The following WWTR1 variants were observed in gnomAD, a reference collection of about 807,000 sequenced individuals.
WWTR1 encodes the protein WW domain-containing transcription regulator protein 1.
WWTR1 carries 13 observed loss-of-function variants against 40.1 expected under a neutral mutation model. The observed-to-expected ratio is 0.32, with a 90% CI of 0.21 to 0.52. The LOEUF is 0.52. Among genes scored for constraint, WWTR1 ranks in the 20% least tolerant of loss-of-function variants. The pLI is 0.97. For synonymous variants in WWTR1, 230 were observed against 210.1 expected (o/e 1.09, Z -0.82); for missense variants, 436 against 523.1 (o/e 0.83, Z 1.63).
At chr3:149,634,863 C>T (rs1007273134) in intron 2 of WWTR1, among the ~76,000 whole-genome samples, 2 of 152,230 alleles carry the variant, frequency 1.3e-5, no homozygotes, top group African/African-American at 4.8e-5. Context: ...CCCTCCAGAC[C>T]CGGCCACGGT....
intron 2 of WWTR1, among the ~76,000 whole-genome samples, chr3:149,580,238 T>G (rs941894505): frequency 2.0e-5 from 3 of 152,254 alleles, no homozygotes; most frequent in Admixed American, 6.5e-5. Context: ...TTTCTTTTAG[T>G]AGTACCTTTT....
intron 2 of WWTR1, among the ~76,000 whole-genome samples, chr3:149,595,183 A>G (rs1738937587): frequency 6.6e-6 from 1 of 151,710 alleles, no homozygotes; most frequent in African/African-American, 2.4e-5. Context: ...GACGGTCTCA[A>G]TCTCTTAACC....
chr3:149,722,984 C>A (rs1026989523), intron 4 of WWTR1, among the ~76,000 whole-genome samples: 1 of 151,770 alleles, frequency 6.6e-6, no homozygotes, highest in Non-Finnish European at 1.5e-5. Flanking sequence ...TTTGAAAGTC[C>A]TTGTCTATTA....
intron 2 of WWTR1, among the ~76,000 whole-genome samples, chr3:149,640,705 G>A (rs1712122055): frequency 6.6e-6 from 1 of 152,006 alleles, no homozygotes; most frequent in African/African-American, 2.4e-5. Context: ...ACAGGCATGA[G>A]CCACCGAGCC....
chr3:149,527,697 C>T, intron 5 of WWTR1, 139 bp downstream of exon 5: 2 of 1,266,464 alleles, frequency 1.6e-6, no homozygotes, highest in Non-Finnish European at 2.2e-6. Flanking sequence ...TTTCTGCCAG[C>T]TCCTCCCACT....
At chr3:149,710,319 T>G (rs909527596) in intron 5 of WWTR1, among the ~76,000 whole-genome samples, 1 of 152,134 alleles carries the variant, frequency 6.6e-6, no homozygotes, top group African/African-American at 2.4e-5. Flanking sequence ...GGCCACACAG[T>G]ACAGAGCATG....
intron 4 of WWTR1, among the ~76,000 whole-genome samples, chr3:149,534,203 G>T (rs1025545231): frequency 2.6e-5 from 4 of 151,950 alleles, no homozygotes; most frequent in African/African-American, 9.7e-5. Flanking sequence ...GAAAAGAAAA[G>T]AAAAACGTGT....
intron 2 of WWTR1, among the ~76,000 whole-genome samples, chr3:149,591,596 C>CA (rs147857781): frequency 0.017 from 2,630 of 151,470 alleles, 75 homozygotes; most frequent in African/African-American, 0.061. Flanking sequence ...TTTCTCTAAA[C>CA]AAAAAAAAGT....
chr3:149,619,383 C>T lies in WWTR1; in HGVS notation c.431+37493G>A, dbSNP rs139462839. 1.7e-3 allele frequency among the ~76,000 whole-genome samples: 261 copies of T among 152,222 alleles called. 1 individual carries two copies. The highest frequency in any genetic ancestry group is 5.8e-3 in the Admixed American group (89 of 15,272). On this transcript the variant is annotated intron_variant, in intron 2 of 6. Coordinates refer to ENST00000360632, the MANE Select transcript of WWTR1 (RefSeq NM_015472.6). Reference sequence around the variant, plus strand: ...CACCTGTAATCACAACACTTTGAGACGCCAAGGTGAGAGGATTGCTTGAGG... The same window carrying T: ...CACCTGTAATCACAACACTTTGAGATGCCAAGGTGAGAGGATTGCTTGAGG...
At chr3:149,651,806 T>G (rs1229227395) in intron 2 of WWTR1, among the ~76,000 whole-genome samples, 1 of 151,374 alleles carries the variant, frequency 6.6e-6, no homozygotes, top group South Asian at 2.1e-4. Flanking sequence ...ATTGTAGTCA[T>G]GTAAATGTTG....
rs549074619 is a variant in WWTR1, at chr3:149,634,603, T to G, written c.431+22273A>C. Among the ~76,000 whole-genome samples, 4 of 152,246 alleles carry G rather than the reference T, an allele frequency of 2.6e-5. No homozygotes were observed. The East Asian group carries it at 7.7e-4, about 29-fold the overall frequency. ...GAGCAATGCCTATTCCCTACCAAGG[T>G]CCATGCACAATAAATGGTTGAATGA... is the stretch of plus-strand genomic sequence containing the variant. On this transcript the variant is annotated intron_variant, in intron 2 of 6. Coordinates refer to ENST00000360632, the MANE Select transcript of WWTR1 (RefSeq NM_015472.6).
At chr3:149,619,814 T>C (rs1740185031) in intron 2 of WWTR1, among the ~76,000 whole-genome samples, 1 of 152,198 alleles carries the variant, frequency 6.6e-6, no homozygotes, top group South Asian at 2.1e-4. Context: ...CCCAGTAATA[T>C]TGCCTTCTTG....
chr3:149,668,668 T>C (rs952257303), intron 2 of WWTR1, among the ~76,000 whole-genome samples: 4 of 151,582 alleles, frequency 2.6e-5, no homozygotes, highest in Non-Finnish European at 5.9e-5. Context: ...GGTCTAAAAT[T>C]TGAAGTGTTG....
chr3:149,635,209 A>G (rs903615614), intron 2 of WWTR1, among the ~76,000 whole-genome samples: 3 of 152,166 alleles, frequency 2.0e-5, no homozygotes, highest in African/African-American at 7.2e-5. Flanking sequence ...TATCATACAA[A>G]TGCATTGTAT....
chr3:149,643,314 T>C (rs1712292890), intron 2 of WWTR1, among the ~76,000 whole-genome samples: 1 of 152,208 alleles, frequency 6.6e-6, no homozygotes, highest in Admixed American at 6.5e-5. Context: ...TCTCCAAACA[T>C]AATCTGCTAT....
intron 2 of WWTR1, among the ~76,000 whole-genome samples, chr3:149,616,508 T>C (rs1239041281): frequency 1.3e-5 from 2 of 151,966 alleles, no homozygotes; most frequent in Non-Finnish European, 2.9e-5. Flanking sequence ...AATGGCATGA[T>C]CTCGGCTCAC....
chr3:149,675,553 C>G (rs929473673), intron 1 of WWTR1, among the ~76,000 whole-genome samples: 1 of 151,954 alleles, frequency 6.6e-6, no homozygotes, highest in Non-Finnish European at 1.5e-5. Context: ...ATAATGGTAC[C>G]GAAGAAATTT....
chr3:149,626,471 G>A (rs1740547549), intron 2 of WWTR1, among the ~76,000 whole-genome samples: 2 of 149,142 alleles, frequency 1.3e-5, no homozygotes, highest in African/African-American at 5.0e-5. Context: ...AATTTAAAGA[G>A]AATGTTTGCA....
chr3:149,559,610 T>A (rs766762966), intron 3 of WWTR1, among the ~76,000 whole-genome samples: 28 of 152,054 alleles, frequency 1.8e-4, no homozygotes, highest in Non-Finnish European at 3.2e-4. Context: ...AAATAAAACC[T>A]CTCTACACAT....
Sources: gnomAD v4.1 joint callset for allele counts (sites outside exome capture counted in the v4.1 genomes callset) on GRCh38, gnomAD v4.1.1 for gene constraint, MANE v1.5 for transcripts, NCBI Gene and HGNC (gene_info 2026-07-23, HGNC 2026-07-21) for gene names.